Variants in ZNF277 observed in about 807,000 individuals in gnomAD.
ZNF277 encodes the protein zinc finger protein 277.
Under a neutral mutation model 60.7 loss-of-function variants are expected in ZNF277, and 55 were observed. The observed-to-expected ratio is 0.91, with a 90% CI of 0.73 to 1.13. ZNF277 has a LOEUF of 1.13. Among genes scored for constraint, ZNF277 ranks in the 50% most tolerant of loss-of-function variants. The probability of loss-of-function intolerance (pLI) is 0.00; values close to 1 mark genes in which losing one functional copy is unlikely to be tolerated. For synonymous variants in ZNF277, 178 were observed against 179.3 expected (o/e 0.99, Z 0.06); for missense variants, 510 against 523.0 (o/e 0.98, Z 0.24).
intron 1 of ZNF277, among the ~76,000 whole-genome samples, chr7:112,258,247 C>T (rs1314376935): frequency 1.3e-5 from 2 of 151,922 alleles, no homozygotes; most frequent in African/African-American, 4.8e-5. Context: ...TACATTTTAG[C>T]ATCTAATATG....
At chr7:112,206,860 C>T (rs778702761) in intron 1 of ZNF277, 53 bp downstream of exon 1, 5 of 1,571,276 alleles carry the variant, frequency 3.2e-6, no homozygotes, top group Admixed American at 1.7e-5. Context: ...TCTCTATGAC[C>T]GGGTGTGCAA....
chr7:112,295,798 A>G (rs1792311239), intron 2 of ZNF277, 71 bp from the exon 3 acceptor site: 2 of 1,208,590 alleles, frequency 1.7e-6, no homozygotes, highest in African/African-American at 1.5e-5. Flanking sequence ...ATGTGCTTAT[A>G]GATTCCTGTC....
chr7:112,293,183 A>C lies in ZNF277; in HGVS notation c.294-2686A>C, dbSNP rs553264059. Among the ~76,000 whole-genome samples the C allele has an allele frequency of 8.7e-4, 132 of 152,270 alleles. 1 individual carries two copies. Among genetic ancestry groups the C allele is most frequent in the African/African-American group, 2.9e-3 (122 of 41,546 alleles). ...CTCCGGGGTGGTAATTAATACATTA[A>C]CTATGATACTTTGACCACTGTCTTA... On this transcript the variant is annotated intron_variant, in intron 2 of 11. Transcript: ENST00000361822.
At chr7:112,229,635 T>A (rs1246214504) in intron 1 of ZNF277, among the ~76,000 whole-genome samples, 1 of 152,166 alleles carries the variant, frequency 6.6e-6, no homozygotes, top group Non-Finnish European at 1.5e-5. Context: ...ATTCTCGAGC[T>A]CTGAGTCTCA....
intron 8 of ZNF277, 38 bp from the exon 9 acceptor site, chr7:112,337,692 G>A (rs777754653): frequency 1.7e-5 from 26 of 1,569,466 alleles, no homozygotes; most frequent in Middle Eastern, 1.7e-4. Flanking sequence ...TCTTAATGAA[G>A]GGAATCTCCG....
Position 112,320,757 on chromosome 7 carries a change from G to A in ZNF277, c.557+2484G>A, listed in dbSNP as rs770934418. ...ACCTTTTCATTGTAGTACTTAATTC[G>A]TGTTTAATGTCATTACTAATAAGAT... is the stretch of plus-strand genomic sequence containing the variant. On this transcript the variant is annotated intron_variant, in intron 5 of 11. Coordinates refer to ENST00000361822, the MANE Select transcript of ZNF277 (RefSeq NM_021994.3). Among the ~76,000 whole-genome samples the A allele has an allele frequency of 7.9e-5, 12 of 151,644 alleles. 1 individual carries two copies. Among genetic ancestry groups the A allele is most frequent in the Non-Finnish European group, 1.5e-4 (10 of 67,904 alleles).
At chr7:112,302,038 G>C (rs573648274) in intron 4 of ZNF277, among the ~76,000 whole-genome samples, 4 of 152,044 alleles carry the variant, frequency 2.6e-5, no homozygotes, top group Non-Finnish European at 5.9e-5. Flanking sequence ...TGTGGTATTC[G>C]TTAAGTTCTC....
At position 112,273,147 on chromosome 7, in the gene ZNF277, A is replaced by G. The variant is rs113324741; in HGVS notation, c.92-13726A>G. Among the ~76,000 whole-genome samples the G allele has an allele frequency of 7.5e-4, 114 of 152,256 alleles. 2 individuals are homozygous for G. Among genetic ancestry groups the G allele is most frequent in the African/African-American group, 2.7e-3 (111 of 41,556 alleles). On this transcript the variant is annotated intron_variant, in intron 1 of 11. Coordinates refer to ENST00000361822, the MANE Select transcript of ZNF277 (RefSeq NM_021994.3). ...GCACAGAGACTTGCCCAGTAATTGC[A>G]GTCCTTGTGGCTGAGTGCCTTTCAA... is the stretch of plus-strand genomic sequence containing the variant.
intron 1 of ZNF277, among the ~76,000 whole-genome samples, chr7:112,216,209 T>G (rs1265420057): frequency 6.6e-6 from 1 of 152,240 alleles, no homozygotes; most frequent in Non-Finnish European, 1.5e-5. Flanking sequence ...CGACATTGAG[T>G]TATTTTTCCA....
At chr7:112,279,203 A>G (rs898606471) in intron 1 of ZNF277, among the ~76,000 whole-genome samples, 4 of 152,208 alleles carry the variant, frequency 2.6e-5, no homozygotes. Context: ...ATTCTTTTGG[A>G]TAAATAACCA....
At chr7:112,334,388 TAG>T (rs1303220773) in intron 7 of ZNF277, among the ~76,000 whole-genome samples, 1 of 151,346 alleles carries the variant, frequency 6.6e-6, no homozygotes, top group African/African-American at 2.4e-5. Flanking sequence ...GTGTCTTAAT[TAG>T]AGAGTTATGT....
At chr7:112,260,983 G>T (rs1389626080) in intron 1 of ZNF277, among the ~76,000 whole-genome samples, 1 of 152,180 alleles carries the variant, frequency 6.6e-6, no homozygotes. Flanking sequence ...AGAAATGTGT[G>T]TGAGAAAGAA....
At chr7:112,227,215 A>G (rs529547008) in intron 1 of ZNF277, among the ~76,000 whole-genome samples, 1 of 152,356 alleles carries the variant, frequency 6.6e-6, no homozygotes, top group African/African-American at 2.4e-5. Flanking sequence ...TCCTGCTGTG[A>G]AATTCACTCA....
At chr7:112,339,688 G>A (rs548565147) in intron 9 of ZNF277, among the ~76,000 whole-genome samples, 155 bp from the exon 10 acceptor site, 1 of 152,310 alleles carries the variant, frequency 6.6e-6, no homozygotes, top group African/African-American at 2.4e-5. Context: ...GGTATGGAGG[G>A]AAGTAGTTAG....
chr7:112,229,921 G>A (rs1822277723), intron 1 of ZNF277, among the ~76,000 whole-genome samples: 1 of 152,176 alleles, frequency 6.6e-6, no homozygotes, highest in Non-Finnish European at 1.5e-5. Flanking sequence ...ATAGAATGAG[G>A]TGCTTGAGGA....
intron 2 of ZNF277, among the ~76,000 whole-genome samples, chr7:112,290,540 C>T (rs1270655530): frequency 1.3e-5 from 2 of 152,126 alleles, no homozygotes; most frequent in African/African-American, 2.4e-5. Context: ...TAAGTGCTTT[C>T]TAAAGTGTAT....
chr7:112,223,169 T>C (rs975515253), intron 1 of ZNF277, among the ~76,000 whole-genome samples: 1 of 152,222 alleles, frequency 6.6e-6, no homozygotes, highest in African/African-American at 2.4e-5. Flanking sequence ...TAACGTAGCA[T>C]GTCTCCCAGC....
intron 1 of ZNF277, among the ~76,000 whole-genome samples, chr7:112,277,854 T>C (rs1396662087): frequency 6.6e-6 from 1 of 152,228 alleles, no homozygotes; most frequent in Non-Finnish European, 1.5e-5. Flanking sequence ...AAAATATCAG[T>C]CTCTTTTAGG....
intron 1 of ZNF277, among the ~76,000 whole-genome samples, chr7:112,250,872 T>A (rs1791187589): frequency 6.6e-6 from 1 of 152,188 alleles, no homozygotes; most frequent in South Asian, 2.1e-4. Context: ...TTAATTTTTA[T>A]CCAAATCATT....
Sources: gnomAD v4.1 joint callset for allele counts (sites outside exome capture counted in the v4.1 genomes callset) on GRCh38, gnomAD v4.1.1 for gene constraint, MANE v1.5 for transcripts, NCBI Gene and HGNC (gene_info 2026-07-23, HGNC 2026-07-21) for gene names.